Variants in MLKL observed in about 807,000 individuals in gnomAD.
The protein encoded by MLKL is mixed lineage kinase domain-like protein.
A neutral mutation model predicts 56.5 loss-of-function variants in MLKL; 55 were observed. The ratio of observed to expected loss-of-function variants is 0.97; its 90% CI spans 0.78 to 1.22. The LOEUF (loss-of-function observed/expected upper bound fraction) is 1.22. Among genes scored for constraint, MLKL ranks in the 50% most tolerant of loss-of-function variants. MLKL has a pLI of 0.00. For missense variants in MLKL, 694 were observed against 573.9 expected (o/e 1.21, Z -2.14); for synonymous variants, 251 against 208.3 (o/e 1.20, Z -1.76).
intron 4 of MLKL, among the ~76,000 whole-genome samples, chr16:74,686,047 C>A (rs7192348): frequency 6.6e-6 from 1 of 151,394 alleles, no homozygotes; most frequent in Admixed American, 6.6e-5. Flanking sequence ...GCAGCCTCCA[C>A]CTCCCAGGTT....
intron 7 of MLKL, chr16:74,676,171 C>T: frequency 2.2e-6 from 2 of 910,094 alleles, no homozygotes; most frequent in Non-Finnish European, 2.6e-6. Flanking sequence ...CTCGCCTTTT[C>T]CCAAAGAAGC....
At chr16:74,688,230 A>G (rs1960455649) in intron 4 of MLKL, among the ~76,000 whole-genome samples, 1 of 152,008 alleles carries the variant, frequency 6.6e-6, no homozygotes, top group African/African-American at 2.4e-5. Flanking sequence ...TCGGCCTCCC[A>G]AAGTGCTAGG....
intron 6 of MLKL, among the ~76,000 whole-genome samples, chr16:74,680,799 C>T (rs1295681241): frequency 1.3e-5 from 2 of 152,178 alleles, no homozygotes; most frequent in East Asian, 3.9e-4. Flanking sequence ...GCTACTGCGC[C>T]CAGCCTTGGT....
chr16:74,672,642 C>T (rs565102764), intron 10 of MLKL, 104 bp from the exon 11 acceptor site: 1 of 1,053,808 alleles, frequency 9.5e-7, no homozygotes, highest in Non-Finnish European at 1.5e-6. Context: ...AAACTGCATT[C>T]CCCCTGGTCT....
rs1473980936 is a variant in MLKL at position 74,682,707 on chromosome 16, G to T, written c.900C>A (p.Asp300Glu). ...TLRELLDREK[D>E]LTLGKRMVLV... is the part of the protein sequence containing the mutation. ...GGACCATGCGCTTGCCAAGTGTGAG[G>T]TCTTTTTCCCTATCCAACAGCTCCC... Residue 300 changes from aspartate to glutamate, a missense_variant, in exon 6 of 11, where the codon GAC becomes GAA. Asp to Glu is a conservative substitution (Grantham distance 45). Coordinates refer to ENST00000308807, the MANE Select transcript of MLKL (RefSeq NM_152649.4). The T allele has an allele frequency of 6.2e-7, 1 of 1,614,094 alleles. No homozygotes were observed. The highest frequency in any genetic ancestry group is 1.1e-5 in the South Asian group (1 of 91,078).
chr16:74,695,313 G>A lies in MLKL; in HGVS notation c.445C>T (p.Gln149Ter). ...CCCAGCTTGCCTCTTCTTAGCATCTGGAAAGCTCGCCTGTCTTCGTCTGCA... is the reference window on the plus strand; with the variant it reads ...CCCAGCTTGCCTCTTCTTAGCATCTAGAAAGCTCGCCTGTCTTCGTCTGCA... ...QDADEDRRAFQMLRRDNEKIE... is the reference protein window; with the variant it reads ...QDADEDRRAF Residue 149 changes from glutamine to a stop codon, truncating the protein, a stop_gained, in exon 2 of 11, where the codon CAG becomes TAG. Transcript: ENST00000308807. LOFTEE classifies it high-confidence loss of function. The A allele has an allele frequency of 1.2e-6, 2 of 1,613,638 alleles. No individual in the cohort carries two copies. The highest frequency in any genetic ancestry group is 3.3e-5 in the Admixed American group (2 of 60,020).
chr16:74,676,960 T>C (rs1030456931), intron 7 of MLKL: 9 of 152,210 alleles, frequency 5.9e-5, no homozygotes, highest in Non-Finnish European at 1.2e-4. Flanking sequence ...TGCTGATTGT[T>C]AGATTGCTTC....
chr16:74,691,252 G>A lies in MLKL; in HGVS notation c.722+25C>T, dbSNP rs73612480. The stretch of plus-strand genomic sequence containing the variant: ...AGTTAGAGTAAGTATTGGTACACAC[G>A]AGAGAACCACACAAAACAACTTACG... On this transcript the variant is annotated intron_variant, in intron 4 of 10. Coordinates refer to ENST00000308807, the MANE Select transcript of MLKL (RefSeq NM_152649.4). 1.7e-4 allele frequency: 276 copies of A among 1,589,274 alleles called. No homozygotes were observed. The African/African-American group carries it at 3.2e-3, about 19-fold the overall frequency.
In MLKL at chr16:74,690,561, C is replaced by T. The variant is rs1030002572; in HGVS notation, c.722+716G>A. 7.9e-5 allele frequency among the ~76,000 whole-genome samples: 12 copies of T among 152,124 alleles called. No individual in the cohort carries two copies. In the East Asian group the frequency reaches 1.2e-3, roughly 15 times the overall value. The stretch of plus-strand genomic sequence containing the variant: ...CATTTTGGAAGGCTGAGGCAGAAGG[C>T]GCTTGAGTCCAGGAGTTCCAGACAA... On this transcript the variant is annotated intron_variant, in intron 4 of 10. Coordinates refer to ENST00000308807, the MANE Select transcript of MLKL (RefSeq NM_152649.4).
At chr16:74,676,095 G>C (rs1959578886) in intron 7 of MLKL, 1 of 317,740 alleles carries the variant, frequency 3.1e-6, no homozygotes, top group African/African-American at 2.2e-5. Context: ...AAATGTAGGG[G>C]TTTCTCAGTT....
intron 1 of MLKL, 71 bp downstream of exon 1, chr16:74,700,382 T>A (rs1961316663): frequency 6.6e-6 from 1 of 152,292 alleles, no homozygotes; most frequent in Non-Finnish European, 1.5e-5. Flanking sequence ...CCCTGGTTCT[T>A]CCCATCACCG....
intron 6 of MLKL, among the ~76,000 whole-genome samples, chr16:74,681,432 C>A (rs888776968): frequency 6.6e-6 from 1 of 152,112 alleles, no homozygotes; most frequent in African/African-American, 2.4e-5. Flanking sequence ...AGTGACTAAC[C>A]TTTGGGGACC....
At chr16:74,681,946 T>C (rs935583132) in intron 6 of MLKL, among the ~76,000 whole-genome samples, 1 of 151,996 alleles carries the variant, frequency 6.6e-6, no homozygotes, top group Non-Finnish European at 1.5e-5. Context: ...TAAAAATAAA[T>C]GTTTATCCAA....
rs1162578096 is a variant in MLKL at position 74,671,915 on chromosome 16, T to A, written c.*589A>T. ...GATTGTGTGAATGGGCAATTTGGGC[T>A]GGGATCTGCTTGAGTGGTTCTTCTG... On this transcript the variant is annotated 3_prime_UTR_variant, in exon 11 of 11. Coordinates refer to ENST00000308807, the MANE Select transcript of MLKL (RefSeq NM_152649.4). 2 of 152,266 alleles carry A rather than the reference T, an allele frequency of 1.3e-5. No individual in the cohort carries two copies. The highest frequency in any genetic ancestry group is 4.8e-5 in the African/African-American group (2 of 41,454). 9.4% of individuals were successfully genotyped at this position (152,266 alleles called of 1,614,324 possible). A position where few individuals can be genotyped will look rare whatever the true frequency, so the allele number is the denominator to read the frequency against.
At chr16:74,676,294 C>T (rs957872129) in intron 7 of MLKL, 7 of 986,604 alleles carry the variant, frequency 7.1e-6, no homozygotes, top group East Asian at 2.3e-4. Context: ...CAGGCCTGCG[C>T]GGTCACCTGG....
chr16:74,690,485 T>A (rs958417637), intron 4 of MLKL, among the ~76,000 whole-genome samples: 8 of 151,800 alleles, frequency 5.3e-5, no homozygotes, highest in African/African-American at 1.9e-4. Context: ...CTAGGTTCCA[T>A]CACTGGAAAA....
Position 74,695,377 on chromosome 16 carries a change from T to C in MLKL, c.381A>G (p.Ile127Met). 6.2e-7 allele frequency: 1 copy of C among 1,614,228 alleles called. No individual in the cohort carries two copies. Among genetic ancestry groups the C allele is most frequent in the Non-Finnish European group, 8.5e-7 (1 of 1,180,042 alleles). Residue 127 changes from isoleucine (I) to methionine (M), a missense_variant, in exon 2 of 11, where the codon ATA (isoleucine) becomes ATG (methionine). Physicochemically the swap from Ile to Met is conservative, Grantham distance 10. Transcript: ENST00000308807. Reference sequence around the variant, plus strand: ...CCTGTGCCCAGGACGCTCCTTGGCTTATGGGTGAAACAGGCATGCGTTGCT... The same window carrying C: ...CCTGTGCCCAGGACGCTCCTTGGCTCATGGGTGAAACAGGCATGCGTTGCT... ...QVEQRMPVSP[I>M]SQGASWAQED...
chr16:74,675,578 T>C, intron 8 of MLKL, 35 bp downstream of exon 8: 2 of 1,601,210 alleles, frequency 1.2e-6, no homozygotes, highest in Non-Finnish European at 1.7e-6. Flanking sequence ...ATTATGCACA[T>C]CTGAGTTAGA....
intron 4 of MLKL, among the ~76,000 whole-genome samples, chr16:74,686,617 A>C (rs1330518983): frequency 6.6e-6 from 1 of 152,136 alleles, no homozygotes; most frequent in Non-Finnish European, 1.5e-5. Flanking sequence ...TATTAAGTGA[A>C]ATCTTATAAC....
Sources: gnomAD v4.1 joint callset for allele counts (sites outside exome capture counted in the v4.1 genomes callset) on GRCh38, gnomAD v4.1.1 for gene constraint, MANE v1.5 for transcripts, NCBI Gene and HGNC (gene_info 2026-07-23, HGNC 2026-07-21) for gene names.